GHR: variants seen among roughly 807,000 people sequenced by gnomAD.
The protein encoded by GHR is growth hormone receptor.
A neutral mutation model predicts 67.1 loss-of-function variants in GHR; 35 were observed. The observed-to-expected ratio is 0.52, with a 90% CI of 0.40 to 0.69. The LOEUF is 0.69. Ranked by LOEUF, GHR falls within the 30% of genes least tolerant of loss-of-function variation. GHR has a pLI of 0.00. For synonymous variants in GHR, 272 were observed against 269.1 expected (o/e 1.01, Z -0.10); for missense variants, 792 against 764.6 (o/e 1.04, Z -0.42).
intron 4 of GHR, among the ~76,000 whole-genome samples, chr5:42,693,349 C>T (rs1757510632): frequency 6.6e-6 from 1 of 152,026 alleles, no homozygotes; most frequent in Non-Finnish European, 1.5e-5. Context: ...ACCATGTTAG[C>T]CAGGCTGGTC....
intron 8 of GHR, among the ~76,000 whole-genome samples, chr5:42,715,763 C>T (rs749394910): frequency 3.9e-5 from 6 of 152,144 alleles, no homozygotes; most frequent in Non-Finnish European, 8.8e-5. Flanking sequence ...ACACAAAAAT[C>T]CAGATTTGGG....
rs1474338481 is a variant in GHR at position 42,434,436 on chromosome 5, C to T, written c.-12+10481C>T. 2.6e-5 allele frequency among the ~76,000 whole-genome samples: 4 copies of T among 152,274 alleles called. 1 individual carries two copies. The highest frequency in any genetic ancestry group is 9.6e-5 in the African/African-American group (4 of 41,540). Reference sequence around the variant, plus strand: ...CCTATATAAGAAATTATTGTGCCTCCTCAAATGCCAGTAGATCCCTATTGA... The same window carrying T: ...CCTATATAAGAAATTATTGTGCCTCTTCAAATGCCAGTAGATCCCTATTGA... On this transcript the variant is annotated intron_variant, in intron 1 of 9. Coordinates refer to ENST00000230882, the MANE Select transcript of GHR (RefSeq NM_000163.5).
intron 2 of GHR, among the ~76,000 whole-genome samples, chr5:42,596,138 C>T (rs924396585): frequency 2.0e-5 from 3 of 152,086 alleles, no homozygotes; most frequent in Non-Finnish European, 4.4e-5. Flanking sequence ...TTTTTTGTAG[C>T]TGGTTCCAAT....
At chr5:42,650,761 G>T (rs1313669420) in intron 3 of GHR, among the ~76,000 whole-genome samples, 3 of 152,050 alleles carry the variant, frequency 2.0e-5, no homozygotes, top group Non-Finnish European at 4.4e-5. Flanking sequence ...GCACATGATT[G>T]TTATAATTGT....
At chr5:42,689,125 C>T in intron 4 of GHR, 106 bp downstream of exon 4, 2 of 998,722 alleles carry the variant, frequency 2.0e-6, no homozygotes, top group Non-Finnish European at 3.2e-6. Context: ...GTGATTTATG[C>T]AATCAATGAA....
intron 2 of GHR, among the ~76,000 whole-genome samples, chr5:42,608,562 G>A (rs1163500850): frequency 6.6e-6 from 1 of 152,082 alleles, no homozygotes; most frequent in Non-Finnish European, 1.5e-5. Flanking sequence ...ATACACACTG[G>A]TCAAAATGTA....
intron 2 of GHR, among the ~76,000 whole-genome samples, chr5:42,613,228 C>CCGAGTTTGTAA (rs1159717023): frequency 6.6e-6 from 1 of 152,086 alleles, no homozygotes; most frequent in African/African-American, 2.4e-5. Context: ...ACATCACTGA[C>CCGAGTTTGTAA]CGAGTTTGTA....
At chr5:42,579,157 TAGATAG>T (rs1561139151) in intron 2 of GHR, among the ~76,000 whole-genome samples, 4 of 80,986 alleles carry the variant, frequency 4.9e-5, no homozygotes, top group African/African-American at 1.9e-4. Context: ...TAGATATAGA[TAGATAG>T]ATAGATAGAT....
chr5:42,513,542 C>G (rs930583450), intron 1 of GHR, among the ~76,000 whole-genome samples: 4 of 152,154 alleles, frequency 2.6e-5, no homozygotes, highest in African/African-American at 9.7e-5. Flanking sequence ...AATCCCAGCA[C>G]TTTGGGAGGC....
At chr5:42,627,856 G>A (rs2112739719) in intron 2 of GHR, among the ~76,000 whole-genome samples, 1 of 152,332 alleles carries the variant, frequency 6.6e-6, no homozygotes, top group Admixed American at 6.5e-5. Context: ...GGGCCAGTGT[G>A]ACAGCTTTCT....
At chr5:42,576,099 T>TAATAAAATA (rs1554021414) in intron 2 of GHR, among the ~76,000 whole-genome samples, 1 of 69,236 alleles carries the variant, frequency 1.4e-5, no homozygotes, top group Non-Finnish European at 2.8e-5. Flanking sequence ...TAAAATAAAA[T>TAATAAAATA]AAATAAAATA....
At chr5:42,585,178 A>G (rs1347556203) in intron 2 of GHR, among the ~76,000 whole-genome samples, 1 of 152,224 alleles carries the variant, frequency 6.6e-6, no homozygotes, top group Non-Finnish European at 1.5e-5. Flanking sequence ...AAAATTAAAT[A>G]GCTATTGGTA....
At chr5:42,447,702 T>G (rs1383222031) in intron 1 of GHR, among the ~76,000 whole-genome samples, 1 of 125,072 alleles carries the variant, frequency 8.0e-6, no homozygotes, top group Non-Finnish European at 1.7e-5. Context: ...CCTCCCTCTA[T>G]CTCTCCCTCC....
rs927409095 is a variant in GHR at position 42,593,030 on chromosome 5, T to C, written c.70+27086T>C. Among the ~76,000 whole-genome samples, 8 of 152,210 alleles carry C rather than the reference T, an allele frequency of 5.3e-5. No homozygotes were observed. The South Asian group carries it at 1.0e-3, about 20-fold the overall frequency. ...TTTTTTCATATGCTTATTTTCCATG[T>C]GTATGACTTCTTTTGAAAAGTATCT... On this transcript the variant is annotated intron_variant, in intron 2 of 9. Transcript: ENST00000230882.
At chr5:42,637,984 G>C (rs1754284896) in intron 3 of GHR, among the ~76,000 whole-genome samples, 1 of 152,156 alleles carries the variant, frequency 6.6e-6, no homozygotes, top group Non-Finnish European at 1.5e-5. Flanking sequence ...TTGTCGCCTG[G>C]GCTGGAGTGC....
chr5:42,719,204 A>G lies in GHR; in HGVS notation c.1697A>G (p.Tyr566Cys), dbSNP rs772267292. 12 of 1,614,002 alleles carry G rather than the reference A, an allele frequency of 7.4e-6. No homozygotes were observed. The African/African-American group carries it at 1.6e-4, about 22-fold the overall frequency. Reference protein sequence around the residue: ...IQPSLNQEDIYITTESLTTAA... With the variant: ...IQPSLNQEDICITTESLTTAA... ...CCAAGCTTAAACCAAGAGGACATTT[A>G]CATCACCACAGAAAGCCTTACCACT... Residue 566 changes from tyrosine (Y) to cysteine (C), a missense_variant, in exon 10 of 10, where the codon TAC (tyrosine) becomes TGC (cysteine). Tyr to Cys is a radical substitution (Grantham distance 194). Coordinates refer to ENST00000230882, the MANE Select transcript of GHR (RefSeq NM_000163.5).
chr5:42,440,742 A>G (rs1009922257), intron 1 of GHR, among the ~76,000 whole-genome samples: 7 of 152,296 alleles, frequency 4.6e-5, no homozygotes, highest in African/African-American at 1.2e-4. Flanking sequence ...GGTAGCTTGG[A>G]CCAGGGTGAT....
At chr5:42,427,779 G>A (rs1742916665) in intron 1 of GHR, among the ~76,000 whole-genome samples, 1 of 152,340 alleles carries the variant, frequency 6.6e-6, no homozygotes, top group East Asian at 1.9e-4. Flanking sequence ...CAGGCATTGT[G>A]TAAATATGCC....
chr5:42,491,854 T>C (rs1309457204), intron 1 of GHR, among the ~76,000 whole-genome samples: 2 of 152,116 alleles, frequency 1.3e-5, no homozygotes, highest in East Asian at 1.9e-4. Flanking sequence ...CAGGAGCAGA[T>C]GTAGATCTGG....
Sources: allele counts gnomAD v4.1 joint callset (sites outside exome capture counted in the v4.1 genomes callset), GRCh38; gene constraint gnomAD v4.1.1; transcripts MANE v1.5; gene names NCBI Gene and HGNC (gene_info 2026-07-23, HGNC 2026-07-21).